FAM120C: variants seen among roughly 807,000 people sequenced by gnomAD.
The protein encoded by FAM120C is constitutive coactivator of PPAR-gamma-like protein 2.
Under a neutral mutation model 71.2 loss-of-function variants are expected in FAM120C, and 14 were observed. That is an observed-to-expected ratio of 0.20 (90% CI 0.13 to 0.31). The LOEUF is 0.31. Among genes scored for constraint, FAM120C ranks in the 10% least tolerant of loss-of-function variants. The pLI, the probability that FAM120C is intolerant of heterozygous loss-of-function variation, is 1.00. For synonymous variants in FAM120C, 354 were observed against 353.2 expected, an observed-to-expected ratio of 1.00 and a Z score of -0.03; for missense variants, 500 against 879.0, an observed-to-expected ratio of 0.57 and a Z score of 5.45.
At chrX:54,103,221 TC>T (rs1464256835) in intron 10 of FAM120C, among the ~76,000 whole-genome samples, 1 of 111,689 alleles carries the variant, frequency 9.0e-6, no homozygotes, top group Non-Finnish European at 1.9e-5. Context: ...TTTACTTATA[TC>T]TTTTATGATT....
At chrX:54,125,208 C>CA (rs150428797) in intron 9 of FAM120C, among the ~76,000 whole-genome samples, 6,096 of 47,533 alleles carry the variant, frequency 0.13, 216 homozygotes, top group Middle Eastern at 0.33. Context: ...GACTCTGTCT[C>CA]AAAAAAAAAA....
chrX:54,113,864 C>T (rs1557126166), intron 10 of FAM120C, among the ~76,000 whole-genome samples: 2 of 110,222 alleles, frequency 1.8e-5, no homozygotes, highest in African/African-American at 6.6e-5. Flanking sequence ...TGCGGTGAGC[C>T]GAGATCGTGC....
rs2066904942 is a variant in FAM120C at position 54,105,976 on chromosome X, A to G, written c.2312+10569T>C. On this transcript the variant is annotated intron_variant, in intron 10 of 15. Coordinates refer to ENST00000375180, the MANE Select transcript of FAM120C (RefSeq NM_017848.6). ...AAGAATCAATGTCGTGAAAATGGCC[A>G]TACTGCCCAAAGTAATTTATAGATT... is the stretch of plus-strand genomic sequence containing the variant. Among the ~76,000 whole-genome samples, 4 of 112,116 alleles carry G rather than the reference A, an allele frequency of 3.6e-5. No individual in the cohort carries two copies. In the South Asian group the frequency reaches 1.5e-3, roughly 41 times the overall value.
chrX:54,113,738 G>A (rs1463441873), intron 10 of FAM120C, among the ~76,000 whole-genome samples: 1 of 104,175 alleles, frequency 9.6e-6, no homozygotes, highest in Non-Finnish European at 2.0e-5. Context: ...GAGAAACCCC[G>A]TCTCTACTGA....
rs894409677 is a variant in FAM120C at position 54,070,795 on chromosome X, T to C, written c.*2238A>G. 3 of 111,897 alleles carry C rather than the reference T, an allele frequency of 2.7e-5. No homozygotes were observed. Among genetic ancestry groups the C allele is most frequent in the East Asian group, 2.8e-4 (1 of 3,565 alleles). 9.2% of individuals were successfully genotyped at this position (111,897 alleles called of 1,213,427 possible). A position where few individuals can be genotyped will look rare whatever the true frequency, so the allele number is the denominator to read the frequency against. ...CTTCTGTCTGGTTAGATGTACACTC[T>C]TGTCATTTTTCTTTGGTTTATGTAA... On this transcript the variant is annotated 3_prime_UTR_variant, in exon 16 of 16. Coordinates refer to ENST00000375180, the MANE Select transcript of FAM120C (RefSeq NM_017848.6).
In FAM120C at chrX:54,179,898, T is replaced by C. The variant is rs1192795749; in HGVS notation, c.699+2602A>G. On this transcript the variant is annotated intron_variant, in intron 1 of 15. Transcript: ENST00000375180. ...AAGGACTAAAGAGGACTGCTGGGAA[T>C]TTTTCCCCAACATTTTATTATGAAA... Among the ~76,000 whole-genome samples the C allele has an allele frequency of 4.1e-4, 46 of 111,964 alleles. No homozygotes were observed. In the Admixed American group the frequency reaches 4.4e-3, roughly 11 times the overall value.
At chrX:54,138,440 C>T (rs2067105471) in intron 4 of FAM120C, among the ~76,000 whole-genome samples, 1 of 92,660 alleles carries the variant, frequency 1.1e-5, no homozygotes, top group Non-Finnish European at 2.0e-5. Flanking sequence ...GTCAAGGCTG[C>T]AGTGAGCCGA....
In FAM120C at chrX:54,068,368, C is replaced by T. The variant is rs903220124; in HGVS notation, c.*4665G>A. 2 of 111,880 alleles carry T rather than the reference C, an allele frequency of 1.8e-5. No homozygotes were observed. The highest frequency in any genetic ancestry group is 9.6e-5 in the Admixed American group (1 of 10,441). 9.2% of individuals were successfully genotyped at this position (111,880 alleles called of 1,213,427 possible). ...ACTAAAAGAATAGATTTTTATTAAG[C>T]GTTGTAAGTTTCTTTCCATCAGCAT... On this transcript the variant is annotated 3_prime_UTR_variant, in exon 16 of 16. Coordinates refer to ENST00000375180, the MANE Select transcript of FAM120C (RefSeq NM_017848.6).
intron 10 of FAM120C, 43 bp downstream of exon 10, chrX:54,116,500 AAG>A: frequency 4.3e-6 from 5 of 1,165,206 alleles, no homozygotes; most frequent in Non-Finnish European, 4.6e-6. Context: ...AATATAAAAA[AAG>A]TAAAAGAGAA....
At chrX:54,096,815 T>C (rs1160606815) in intron 10 of FAM120C, among the ~76,000 whole-genome samples, 5 of 111,879 alleles carry the variant, frequency 4.5e-5, no homozygotes, top group Admixed American at 9.7e-5. Context: ...AGTGGAATTA[T>C]TGGGTCGTAG....
intron 10 of FAM120C, among the ~76,000 whole-genome samples, chrX:54,098,311 G>A (rs1464055123): frequency 9.0e-6 from 1 of 111,476 alleles, no homozygotes; most frequent in African/African-American, 3.3e-5. Flanking sequence ...AAAGTGCTGG[G>A]ATTACAGGCA....
At chrX:54,125,894 C>T (rs782451788) in intron 9 of FAM120C, among the ~76,000 whole-genome samples, 2 of 112,505 alleles carry the variant, frequency 1.8e-5, no homozygotes, top group South Asian at 7.2e-4. Flanking sequence ...TCTTTGATTT[C>T]ATCAGCATTT....
intron 4 of FAM120C, among the ~76,000 whole-genome samples, chrX:54,139,022 G>A (rs1247262546): frequency 8.9e-6 from 1 of 111,872 alleles, no homozygotes; most frequent in Non-Finnish European, 1.9e-5. Context: ...AGATATTAAA[G>A]TCATTTTCAG....
intron 13 of FAM120C, among the ~76,000 whole-genome samples, chrX:54,083,433 C>CACACA (rs2066777104): frequency 6.3e-5 from 5 of 78,930 alleles, no homozygotes; most frequent in Non-Finnish European, 9.5e-5. Context: ...GACCCCATCT[C>CACACA]CACACACACA....
Position 54,183,041 on chromosome X carries a change from G to A in FAM120C, c.158C>T (p.Ala53Val), listed in dbSNP as rs2067363894. 5 of 1,156,198 alleles carry A rather than the reference G, an allele frequency of 4.3e-6. No individual in the cohort carries two copies. The highest frequency in any genetic ancestry group is 5.7e-6 in the Non-Finnish European group (5 of 871,220). The change falls in exon 1 of 16, where the codon GCT becomes GTT. Residue 53 changes from alanine (A) to valine (V), a missense_variant. Transcript: ENST00000375180. ...LPPTAALAPG[A>V]PRAARGSVPL... is the part of the protein sequence containing the mutation. The stretch of plus-strand genomic sequence containing the variant: ...CACGGAGCCCCTGGCGGCGCGTGGA[G>A]CCCCGGGCGCTAGGGCTGCAGTCGG...
chrX:54,073,454 G>A (rs1038693684), intron 15 of FAM120C, among the ~76,000 whole-genome samples, 167 bp from the exon 16 acceptor site: 26 of 108,136 alleles, frequency 2.4e-4, no homozygotes, highest in South Asian at 1.2e-3. Context: ...TTTTTAAGAC[G>A]GAGTCTCGCT....
intron 3 of FAM120C, among the ~76,000 whole-genome samples, chrX:54,151,794 G>A (rs1254051942): frequency 9.0e-6 from 1 of 111,373 alleles, no homozygotes; most frequent in Admixed American, 9.7e-5. Context: ...CAAGAAATTA[G>A]CATTAATTTT....
At chrX:54,081,204 A>C (rs1557121245) in intron 14 of FAM120C, 118 bp downstream of exon 14, 3 of 737,967 alleles carry the variant, frequency 4.1e-6, no homozygotes, top group Non-Finnish European at 5.6e-6. Context: ...AAAGAAAAAA[A>C]AAGTAAAGTT....
rs1274315534 is a variant in FAM120C, at chrX:54,072,258, G to A, written c.*775C>T. 1 of 105,628 alleles carries A rather than the reference G, an allele frequency of 9.5e-6. No homozygotes were observed. Among genetic ancestry groups the A allele is most frequent in the Non-Finnish European group, 1.9e-5 (1 of 51,629 alleles). 8.7% of individuals were successfully genotyped at this position (105,628 alleles called of 1,213,427 possible). A position where few individuals can be genotyped will look rare whatever the true frequency, so the allele number is the denominator to read the frequency against. ...TTACACTGATTCCCACCCTTTCATG[G>A]TGTGGGCAATAGGGAGTGAATGAAC... On this transcript the variant is annotated 3_prime_UTR_variant, in exon 16 of 16. Transcript: ENST00000375180.
Sources: gnomAD v4.1 joint callset for allele counts (sites outside exome capture counted in the v4.1 genomes callset) on GRCh38, gnomAD v4.1.1 for gene constraint, MANE v1.5 for transcripts, NCBI Gene and HGNC (gene_info 2026-07-23, HGNC 2026-07-21) for gene names.